Variants in PDE10A observed in about 807,000 individuals in gnomAD.
PDE10A encodes the protein phosphodiesterase 10A.
A neutral mutation model predicts 97.7 loss-of-function variants in PDE10A; 39 were observed. The ratio of observed to expected loss-of-function variants is 0.40; its 90% confidence interval spans 0.31 to 0.52. The LOEUF (loss-of-function observed/expected upper bound fraction) is 0.52. Among genes scored for constraint, PDE10A ranks in the 20% least tolerant of loss-of-function variants. The probability of loss-of-function intolerance (pLI) is 0.56; values close to 1 mark genes in which losing one functional copy is unlikely to be tolerated. For synonymous variants in PDE10A, 371 were observed against 376.8 expected (o/e 0.98, Z 0.18); for missense variants, 731 against 1,047.8 (o/e 0.70, Z 4.17).
In PDE10A at chr6:165,431,477, A is replaced by AAAAACAAG; in HGVS notation, c.1492-6_1492-5insCTTGTTTT. On this transcript the variant is annotated splice_region_variant and splice_polypyrimidine_tract_variant and intron_variant, in intron 7 of 21. Transcript: ENST00000539869. The stretch of plus-strand genomic sequence containing the variant: ...GGCAAGATTTGCTGTTGCAACCTAA[A>AAAAACAAG]AAAAACAAGAAATACATACCTATAA... 1 of 1,567,394 alleles carries AAAAACAAG rather than the reference A, an allele frequency of 6.4e-7. No homozygotes were observed. Among genetic ancestry groups the AAAAACAAG allele is most frequent in the South Asian group, 1.1e-5 (1 of 88,982 alleles).
intron 1 of PDE10A, among the ~76,000 whole-genome samples, chr6:165,656,303 C>T (rs2128428368): frequency 7.0e-6 from 1 of 141,988 alleles, no homozygotes; most frequent in South Asian, 2.3e-4. Context: ...CACACCTTTC[C>T]AATCCAGAAA....
intron 1 of PDE10A, among the ~76,000 whole-genome samples, chr6:165,873,971 T>C (rs1201372996): frequency 6.6e-6 from 1 of 152,172 alleles, no homozygotes; most frequent in East Asian, 1.9e-4. Context: ...CAAATATAGA[T>C]TTCTATTATT....
At chr6:165,649,015 C>A (rs1338130948) in intron 1 of PDE10A, among the ~76,000 whole-genome samples, 4 of 152,156 alleles carry the variant, frequency 2.6e-5, no homozygotes, top group African/African-American at 9.7e-5. Flanking sequence ...TTCCCCAGAA[C>A]AGTCTCCTGT....
intron 1 of PDE10A, among the ~76,000 whole-genome samples, chr6:165,749,936 G>C (rs764017166): frequency 5.9e-5 from 9 of 152,230 alleles, no homozygotes; most frequent in Non-Finnish European, 1.3e-4. Context: ...CAAGGAAATA[G>C]ACAATGCACC....
chr6:165,674,006 A>G (rs887655738), intron 1 of PDE10A, among the ~76,000 whole-genome samples: 3 of 152,140 alleles, frequency 2.0e-5, no homozygotes, highest in Admixed American at 6.5e-5. Context: ...TTCCGTGTCC[A>G]TAGATATGAT....
At chr6:165,421,049 T>C (rs1022136396) in intron 10 of PDE10A, among the ~76,000 whole-genome samples, 2 of 152,236 alleles carry the variant, frequency 1.3e-5, no homozygotes, top group Non-Finnish European at 2.9e-5. Context: ...ACAGAGTTTA[T>C]TCTGAACTGT....
At chr6:165,450,462 A>G in intron 3 of PDE10A, 100 bp from the exon 4 acceptor site, 1 of 472,046 alleles carries the variant, frequency 2.1e-6, no homozygotes, top group Non-Finnish European at 3.7e-6. Flanking sequence ...GTGACTTAAT[A>G]TACTAAGTTA....
intron 1 of PDE10A, among the ~76,000 whole-genome samples, chr6:165,653,349 A>C (rs529707365): frequency 6.6e-6 from 1 of 152,220 alleles, no homozygotes; most frequent in African/African-American, 2.4e-5. Context: ...TGTAAGCACC[A>C]GCAAGGATGG....
intron 20 of PDE10A, among the ~76,000 whole-genome samples, chr6:165,337,814 G>A (rs1482744707): frequency 6.6e-6 from 1 of 152,180 alleles, no homozygotes; most frequent in African/African-American, 2.4e-5. Context: ...GCATTCTTGG[G>A]ATGACTGTTA....
At chr6:165,816,918 C>T (rs576464421) in intron 1 of PDE10A, among the ~76,000 whole-genome samples, 9 of 152,198 alleles carry the variant, frequency 5.9e-5, no homozygotes, top group South Asian at 2.1e-4. Context: ...ATGATGGGTG[C>T]GGCACACTTA....
intron 3 of PDE10A, among the ~76,000 whole-genome samples, chr6:165,452,841 G>A: frequency 6.6e-6 from 1 of 151,742 alleles, no homozygotes; most frequent in Admixed American, 6.6e-5. Context: ...GAAGGAAATG[G>A]CTGTAAAGAA....
rs1351110818 is a variant in PDE10A at position 165,418,153 on chromosome 6, G to A, written c.1796+482C>T. On this transcript the variant is annotated intron_variant, in intron 11 of 21. Coordinates refer to ENST00000539869, the MANE Select transcript of PDE10A (RefSeq NM_001385079.1). The surrounding 1 kb of genome is among the most constrained non-coding windows in gnomAD (Gnocchi z 4.8). The stretch of plus-strand genomic sequence containing the variant: ...CAGTTTCAAGATGCAACACAGGTGT[G>A]CTATGTGATTGATTAAAACAGCTGG... Among the ~76,000 whole-genome samples, 1 of 152,166 alleles carries A rather than the reference G, an allele frequency of 6.6e-6. No homozygotes were observed. The highest frequency in any genetic ancestry group is 2.4e-5 in the African/African-American group (1 of 41,418).
At chr6:165,814,447 C>T (rs1779356788) in intron 1 of PDE10A, among the ~76,000 whole-genome samples, 1 of 51,466 alleles carries the variant, frequency 1.9e-5, no homozygotes, top group Non-Finnish European at 4.1e-5. Flanking sequence ...ATTTTTTATC[C>T]TAAAGGTATT....
intron 5 of PDE10A, among the ~76,000 whole-genome samples, chr6:165,442,474 G>A (rs2128244426): frequency 6.6e-6 from 1 of 152,280 alleles, no homozygotes; most frequent in African/African-American, 2.4e-5. Context: ...AATCACAGCG[G>A]AAGGGAAACG....
intron 2 of PDE10A, among the ~76,000 whole-genome samples, chr6:165,485,892 C>A (rs920905268): frequency 2.8e-4 from 42 of 152,296 alleles, no homozygotes; most frequent in Admixed American, 1.6e-3. Flanking sequence ...CCGCGCCCGG[C>A]GGAGAGCATC....
chr6:165,408,555 A>T (rs578592), intron 13 of PDE10A, among the ~76,000 whole-genome samples: 101,817 of 152,046 alleles, frequency 0.67, 34,701 homozygotes, highest in Middle Eastern at 0.82. Context: ...ACTATAAAGA[A>T]ACGCGATGCT....
intron 1 of PDE10A, among the ~76,000 whole-genome samples, chr6:165,830,037 A>T (rs1243335065): frequency 6.6e-6 from 1 of 152,226 alleles, no homozygotes; most frequent in East Asian, 1.9e-4. Context: ...ATAACCCCTC[A>T]AATATTCTGG....
intron 1 of PDE10A, among the ~76,000 whole-genome samples, chr6:165,763,087 TA>T (rs1031088949): frequency 6.6e-6 from 1 of 152,230 alleles, no homozygotes; most frequent in African/African-American, 2.4e-5. Flanking sequence ...GTAGGACTTA[TA>T]AGACTGCAGC....
At chr6:165,429,885 T>C (rs200465621) in intron 9 of PDE10A, among the ~76,000 whole-genome samples, 3 of 134,958 alleles carry the variant, frequency 2.2e-5, no homozygotes, top group East Asian at 2.4e-4. Flanking sequence ...ATTTAAATAA[T>C]AATAATAATG....
Sources: gnomAD v4.1 joint callset for allele counts (sites outside exome capture counted in the v4.1 genomes callset) on GRCh38, gnomAD v4.1.1 for gene constraint, Gnocchi (gnomAD v3.1) non-coding constraint, MANE v1.5 for transcripts, NCBI Gene and HGNC (gene_info 2026-07-23, HGNC 2026-07-21) for gene names.